ADGRG4: variants seen among roughly 807,000 people sequenced by gnomAD.
The protein encoded by ADGRG4 is G protein-coupled receptor 112.
ADGRG4 carries 122 observed loss-of-function variants against 126.2 expected under a neutral mutation model. That is an observed-to-expected ratio of 0.97 (90% CI 0.83 to 1.12). The LOEUF is 1.12. Ranked by LOEUF, ADGRG4 falls within the 50% of genes most tolerant of loss-of-function variation. The pLI is 0.00. For synonymous variants in ADGRG4, 943 were observed against 838.7 expected (o/e 1.12, Z -2.15); for missense variants, 2,481 against 2,251.8 (o/e 1.10, Z -2.06).
chrX:136,344,473 C>T lies in ADGRG4; in HGVS notation c.767C>T (p.Thr256Ile). ...QIDMTTPSQI[T>I]GVKPQNTAHS... The stretch of plus-strand genomic sequence containing the variant: ...GATATGACCACTCCATCCCAAATTA[C>T]TGGAGTAAAACCACAAAATACTGCA... Residue 256 changes from threonine to isoleucine, a missense_variant, in exon 6 of 26, where the codon ACT becomes ATT. Thr to Ile is a moderately conservative substitution (Grantham distance 89). Transcript: ENST00000394143. The T allele has an allele frequency of 8.4e-7, 1 of 1,194,342 alleles. No individual in the cohort carries two copies.
intron 21 of ADGRG4, among the ~76,000 whole-genome samples, chrX:136,400,394 G>GAA (rs1311276723): frequency 8.9e-6 from 1 of 112,073 alleles, no homozygotes; most frequent in Non-Finnish European, 1.9e-5. Context: ...TTCCTTTACA[G>GAA]AAGTTACAGT....
intron 9 of ADGRG4, 65 bp downstream of exon 9, chrX:136,356,230 T>C (rs2075093120): frequency 1.4e-6 from 1 of 695,752 alleles, no homozygotes; most frequent in Non-Finnish European, 2.2e-6. Context: ...TGTAAGTCAA[T>C]AGCTCTTCCA....
intron 4 of ADGRG4, among the ~76,000 whole-genome samples, chrX:136,316,404 C>A (rs1248363103): frequency 1.8e-5 from 2 of 109,017 alleles, no homozygotes. Flanking sequence ...AAAAAAAAAA[C>A]AAACCATTCA....
chrX:136,345,734 T>C lies in ADGRG4; in HGVS notation c.2028T>C (p.Phe676=), dbSNP rs1360707580. 2.5e-6 allele frequency: 3 copies of C among 1,211,423 alleles called. No homozygotes were observed. The South Asian group carries it at 5.3e-5, about 21-fold the overall frequency. The change falls in exon 6 of 26, where the codon TTT becomes TTC. Residue 676 remains phenylalanine (F), a synonymous_variant. Transcript: ENST00000394143. The part of the protein sequence containing the change: ...ASMNTTTILT[F]VPNENFTSAF... ...TGAACACAACCACCATACTCACATT[T>C]GTGCCTAATGAAAATTTTACATCAG...
At position 136,372,916 on chromosome X, in the gene ADGRG4, T is replaced by G; in HGVS notation, c.7628T>G (p.Ile2543Ser). The change falls in exon 15 of 26, where the codon ATT becomes AGT. Residue 2543 changes from isoleucine to serine, a missense_variant. Physicochemically the swap from Ile to Ser is moderately radical, Grantham distance 142. Coordinates refer to ENST00000394143, the MANE Select transcript of ADGRG4 (RefSeq NM_153834.4). ...GTTTCTTGCAGAATTCTGAGGATAA[T>G]TGAGCGTACTGGTCACAAGATGGAG... is the stretch of plus-strand genomic sequence containing the variant. ...HEISNEILRIIERTGHKMEFS... is the reference protein window; with the variant it reads ...HEISNEILRISERTGHKMEFS... 8.3e-7 allele frequency: 1 copy of G among 1,211,374 alleles called. No homozygotes were observed. Among genetic ancestry groups the G allele is most frequent in the Non-Finnish European group, 1.1e-6 (1 of 895,045 alleles).
chrX:136,319,390 A>C (rs770915442), intron 4 of ADGRG4, among the ~76,000 whole-genome samples: 4 of 112,560 alleles, frequency 3.6e-5, no homozygotes, highest in Non-Finnish European at 5.6e-5. Context: ...CCTAAATGTT[A>C]GTTATGATTG....
intron 15 of ADGRG4, among the ~76,000 whole-genome samples, chrX:136,374,845 C>G (rs1040418186): frequency 8.9e-6 from 1 of 111,755 alleles, no homozygotes; most frequent in African/African-American, 3.3e-5. Flanking sequence ...GGTGAAATAT[C>G]TGTTAAAATC....
At chrX:136,375,457 C>G (rs2075219852) in intron 15 of ADGRG4, among the ~76,000 whole-genome samples, 1 of 112,203 alleles carries the variant, frequency 8.9e-6, no homozygotes, top group Admixed American at 9.4e-5. Flanking sequence ...TAAGGGATCT[C>G]CATACTGTTT....
intron 15 of ADGRG4, among the ~76,000 whole-genome samples, chrX:136,374,728 C>T (rs992344169): frequency 1.8e-5 from 2 of 111,762 alleles, no homozygotes; most frequent in African/African-American, 6.5e-5. Context: ...CCTCACCCGG[C>T]CTGTAGGTAT....
chrX:136,321,656 A>T (rs1330677713), intron 4 of ADGRG4, among the ~76,000 whole-genome samples: 4 of 111,506 alleles, frequency 3.6e-5, no homozygotes, highest in African/African-American at 6.5e-5. Context: ...ATCCTCAGAT[A>T]TTTACCTAGT....
intron 5 of ADGRG4, among the ~76,000 whole-genome samples, chrX:136,328,896 G>C (rs1484529321): frequency 1.8e-5 from 2 of 111,356 alleles, no homozygotes; most frequent in Admixed American, 9.5e-5. Context: ...TGAGCTGTTT[G>C]TAGTTCACTC....
chrX:136,351,434 T>C lies in ADGRG4; in HGVS notation c.6728-13T>C. 2.0e-6 allele frequency: 2 copies of C among 1,019,344 alleles called. No individual in the cohort carries two copies. Among genetic ancestry groups the C allele is most frequent in the Non-Finnish European group, 2.7e-6 (2 of 753,792 alleles). The allele number at this position is 1,019,344 out of a possible 1,213,427, so 84.0% of individuals were successfully genotyped here. A position where few individuals can be genotyped will look rare whatever the true frequency, so the allele number is the denominator to read the frequency against. ...TAAATGAATAAAATTAACCTCCTTA[T>C]TTTTAATTACAGTTTCCTTCTACAA... On this transcript the variant is annotated splice_polypyrimidine_tract_variant and intron_variant, in intron 6 of 25. Coordinates refer to ENST00000394143, the MANE Select transcript of ADGRG4 (RefSeq NM_153834.4).
intron 5 of ADGRG4, among the ~76,000 whole-genome samples, chrX:136,327,346 A>G (rs1264568831): frequency 9.0e-6 from 1 of 110,655 alleles, no homozygotes; most frequent in Admixed American, 9.7e-5. Flanking sequence ...TAGCACACCA[A>G]CATGGCCCAT....
chrX:136,410,303 C>T (rs1255346347), intron 23 of ADGRG4, among the ~76,000 whole-genome samples: 1 of 111,376 alleles, frequency 9.0e-6, no homozygotes, highest in African/African-American at 3.3e-5. Flanking sequence ...CACTATCCTT[C>T]TTCACCGTAT....
At chrX:136,334,124 CT>C (rs2074934295) in intron 5 of ADGRG4, among the ~76,000 whole-genome samples, 3 of 39,666 alleles carry the variant, frequency 7.6e-5, no homozygotes, top group African/African-American at 1.2e-4. Context: ...TTCTTTCTTT[CT>C]TTCTTTCTTT....
chrX:136,351,633 T>C, intron 7 of ADGRG4, 92 bp downstream of exon 7: 1 of 356,217 alleles, frequency 2.8e-6, no homozygotes, highest in Middle Eastern at 8.7e-4. Context: ...AACTAGGCTT[T>C]ACTTTTTTCT....
chrX:136,309,562 C>T (rs1007526557), intron 4 of ADGRG4, among the ~76,000 whole-genome samples: 4 of 111,981 alleles, frequency 3.6e-5, no homozygotes, highest in African/African-American at 9.7e-5. Context: ...TGAGTGACAA[C>T]GCCTGATGAA....
intron 15 of ADGRG4, among the ~76,000 whole-genome samples, chrX:136,380,577 T>TTCCTCC (rs1161020229): frequency 5.9e-5 from 5 of 84,116 alleles, no homozygotes; most frequent in African/African-American, 2.3e-4. Flanking sequence ...CCTCTTCTTC[T>TTCCTCC]TCCTCCTCCT....
chrX:136,341,537 C>A (rs917659587), intron 5 of ADGRG4, among the ~76,000 whole-genome samples: 1 of 112,197 alleles, frequency 8.9e-6, no homozygotes. Context: ...ATTCTCCTTT[C>A]ACGTGGAGTT....
Sources: gnomAD v4.1 joint callset for allele counts (sites outside exome capture counted in the v4.1 genomes callset) on GRCh38, gnomAD v4.1.1 for gene constraint, MANE v1.5 for transcripts, NCBI Gene and HGNC (gene_info 2026-07-23, HGNC 2026-07-21) for gene names.